DSCAML1: variants seen among roughly 807,000 people sequenced by gnomAD.
The protein encoded by DSCAML1 is DS cell adhesion molecule like 1.
Under a neutral mutation model 200.5 loss-of-function variants are expected in DSCAML1, and 38 were observed. The observed-to-expected ratio is 0.19, with a 90% CI of 0.15 to 0.25. DSCAML1 has a LOEUF of 0.25. Ranked by LOEUF, DSCAML1 falls within the 10% of genes least tolerant of loss-of-function variation. The pLI, the probability that DSCAML1 is intolerant of heterozygous loss-of-function variation, is 1.00. For synonymous variants in DSCAML1, 1,215 were observed against 1,165.0 expected (o/e 1.04, Z -0.87); for missense variants, 2,223 against 2,858.8 (o/e 0.78, Z 5.07).
At position 117,516,795 on chromosome 11, in the gene DSCAML1, C is replaced by G; in HGVS notation, c.1511-56G>C. 6.4e-7 allele frequency: 1 copy of G among 1,559,218 alleles called. No individual in the cohort carries two copies. Among genetic ancestry groups the G allele is most frequent in the African/African-American group, 1.3e-5 (1 of 74,300 alleles). On this transcript the variant is annotated intron_variant, in intron 7 of 32. Coordinates refer to ENST00000651296, the MANE Select transcript of DSCAML1 (RefSeq NM_020693.4). The surrounding 1 kb of genome is among the most constrained non-coding windows in gnomAD (Gnocchi z 5.7). ...GGAGAAGGGCATGTGCTGCTGTCAG[C>G]CAGGGACAGCCAGGCACCACCCTGC...
intron 8 of DSCAML1, among the ~76,000 whole-genome samples, chr11:117,506,547 C>CTTTTTTTTTTT (rs5795089): frequency 1.0e-5 from 1 of 96,858 alleles, no homozygotes; most frequent in African/African-American, 4.4e-5. Context: ...CAAGAGATAA[C>CTTTTTTTTTTT]TTTTTTTTTT....
chr11:117,767,015 G>A (rs925745248), intron 3 of DSCAML1, among the ~76,000 whole-genome samples: 5 of 152,128 alleles, frequency 3.3e-5, no homozygotes, highest in Non-Finnish European at 7.4e-5. Context: ...AGGTCCCTCA[G>A]TGCCCCCAAG....
intron 3 of DSCAML1, among the ~76,000 whole-genome samples, chr11:117,630,934 T>A (rs1016423298): frequency 2.0e-5 from 3 of 152,138 alleles, no homozygotes; most frequent in African/African-American, 7.2e-5. Flanking sequence ...AAAACTGGGA[T>A]CACAGCATTT....
intron 27 of DSCAML1, among the ~76,000 whole-genome samples, chr11:117,433,748 G>A (rs1013489422): frequency 6.6e-6 from 1 of 152,204 alleles, no homozygotes; most frequent in African/African-American, 2.4e-5. Flanking sequence ...GGCATAGCAA[G>A]TGCCTCATCT....
chr11:117,811,506 T>G (rs77331646), intron 1 of DSCAML1, among the ~76,000 whole-genome samples: 1 of 152,202 alleles, frequency 6.6e-6, no homozygotes, highest in Non-Finnish European at 1.5e-5. Flanking sequence ...ACGCCTGAAC[T>G]GCAGCGGCCA....
At chr11:117,640,243 T>C (rs11216477) in intron 3 of DSCAML1, among the ~76,000 whole-genome samples, 6,698 of 152,226 alleles carry the variant, frequency 0.044, 336 homozygotes, top group African/African-American at 0.12. Flanking sequence ...AGCCCTCTCA[T>C]GGACCAAGGG....
intron 3 of DSCAML1, among the ~76,000 whole-genome samples, chr11:117,551,536 C>G (rs945387638): frequency 6.6e-6 from 1 of 152,100 alleles, no homozygotes; most frequent in South Asian, 2.1e-4. Context: ...TTCTGAGGGA[C>G]GCGTGTTGGG....
chr11:117,774,812 A>G (rs1426876718), intron 3 of DSCAML1, among the ~76,000 whole-genome samples: 1 of 152,204 alleles, frequency 6.6e-6, no homozygotes, highest in Non-Finnish European at 1.5e-5. Flanking sequence ...CCCTCTGCTC[A>G]GTGTGATTCA....
At chr11:117,652,946 T>C (rs141253208) in intron 3 of DSCAML1, among the ~76,000 whole-genome samples, 52 of 152,312 alleles carry the variant, frequency 3.4e-4, no homozygotes, top group Admixed American at 1.8e-3. Flanking sequence ...AATGTTAGCT[T>C]TGCCTTCTCT....
intron 3 of DSCAML1, among the ~76,000 whole-genome samples, chr11:117,542,434 C>T (rs1448324238): frequency 6.6e-6 from 1 of 152,178 alleles, no homozygotes; most frequent in African/African-American, 2.4e-5. Flanking sequence ...TGGGTGGTTC[C>T]ATCTCTGCCT....
intron 3 of DSCAML1, among the ~76,000 whole-genome samples, chr11:117,564,448 A>T (rs2050718565): frequency 6.6e-6 from 1 of 152,152 alleles, no homozygotes; most frequent in South Asian, 2.1e-4. Context: ...AATCATCCGC[A>T]ATCAATAGGC....
At chr11:117,511,890 C>A (rs971869141) in intron 8 of DSCAML1, among the ~76,000 whole-genome samples, 1 of 152,248 alleles carries the variant, frequency 6.6e-6, no homozygotes. Flanking sequence ...GCATGCAATA[C>A]GTACCAGGGT....
chr11:117,669,812 A>C (rs1024717096), intron 3 of DSCAML1, among the ~76,000 whole-genome samples: 1 of 152,234 alleles, frequency 6.6e-6, no homozygotes, highest in African/African-American at 2.4e-5. Context: ...GCAGGGGCGG[A>C]TGGAACATCC....
At chr11:117,720,374 T>C (rs958706353) in intron 3 of DSCAML1, among the ~76,000 whole-genome samples, 2 of 151,270 alleles carry the variant, frequency 1.3e-5, no homozygotes, top group African/African-American at 2.4e-5. Flanking sequence ...AGTACCGAGA[T>C]GGAGTCAGAC....
intron 27 of DSCAML1, among the ~76,000 whole-genome samples, chr11:117,434,454 T>C (rs746180417): frequency 1.4e-4 from 21 of 152,050 alleles, no homozygotes; most frequent in Non-Finnish European, 2.9e-4. Flanking sequence ...ACAATTCCAA[T>C]AGTTTTTCCA....
At chr11:117,662,702 G>C (rs1284669048) in intron 3 of DSCAML1, among the ~76,000 whole-genome samples, 1 of 152,206 alleles carries the variant, frequency 6.6e-6, no homozygotes, top group Non-Finnish European at 1.5e-5. Flanking sequence ...AGGTGTAGAG[G>C]CTTTCTCCAG....
At chr11:117,636,638 C>T (rs912500819) in intron 3 of DSCAML1, among the ~76,000 whole-genome samples, 1 of 152,200 alleles carries the variant, frequency 6.6e-6, no homozygotes, top group African/African-American at 2.4e-5. Flanking sequence ...CCCCCAACCC[C>T]TTAACTCAAA....
chr11:117,738,411 G>A (rs939897456), intron 3 of DSCAML1, among the ~76,000 whole-genome samples: 8 of 151,820 alleles, frequency 5.3e-5, no homozygotes, highest in African/African-American at 9.7e-5. Context: ...AGATGCTGAC[G>A]TCAGCCAGAC....
At chr11:117,466,544 A>G (rs1041332460) in intron 16 of DSCAML1, among the ~76,000 whole-genome samples, 9 of 152,160 alleles carry the variant, frequency 5.9e-5, no homozygotes, top group African/African-American at 2.2e-4. Context: ...TACTAAAAAT[A>G]CAAAAAATTA....
Sources: gnomAD v4.1 joint callset for allele counts (sites outside exome capture counted in the v4.1 genomes callset) on GRCh38, gnomAD v4.1.1 for gene constraint, Gnocchi (gnomAD v3.1) non-coding constraint, MANE v1.5 for transcripts, NCBI Gene and HGNC (gene_info 2026-07-23, HGNC 2026-07-21) for gene names.